The following FRYL variants were observed in gnomAD, a reference collection of about 807,000 sequenced individuals.
FRYL encodes FRY like transcription coactivator.
Under a neutral mutation model 351.2 loss-of-function variants are expected in FRYL, and 150 were observed. That is an observed-to-expected ratio of 0.43 (90% CI 0.37 to 0.49). The LOEUF is 0.49. Ranked by LOEUF, FRYL falls within the 20% of genes least tolerant of loss-of-function variation. The probability of loss-of-function intolerance (pLI) is 0.00; values close to 1 mark genes in which losing one functional copy is unlikely to be tolerated. For missense variants in FRYL, 3,036 were observed against 3,619.3 expected, an observed-to-expected ratio of 0.84 and a Z score of 4.13; for synonymous variants, 1,153 against 1,257.1, an observed-to-expected ratio of 0.92 and a Z score of 1.75.
At chr4:48,694,097 T>C (rs1414666297) in intron 2 of FRYL, among the ~76,000 whole-genome samples, 1 of 152,106 alleles carries the variant, frequency 6.6e-6, no homozygotes, top group South Asian at 2.1e-4. Flanking sequence ...GGGTAGAAAA[T>C]GCTTGACTTT....
In FRYL at chr4:48,540,840, A is replaced by G. The variant is rs1729993715; in HGVS notation, c.5808T>C (p.Asn1936=). ...NSSSYLGYNS[N]ARSNSLRLSL... The stretch of plus-strand genomic sequence containing the variant: ...TTAATCTCAAAGAGTTACTTCTTGC[A>G]TTACTGTTATATCCCAAATAACTGC... The change falls in exon 46 of 64, where the codon AAT becomes AAC. Residue 1936 remains asparagine (N), a synonymous_variant. Transcript: ENST00000358350. The G allele has an allele frequency of 1.2e-6, 2 of 1,613,910 alleles. No homozygotes were observed. Among genetic ancestry groups the G allele is most frequent in the Non-Finnish European group, 1.7e-6 (2 of 1,179,958 alleles).
chr4:48,515,870 C>T (rs1723482219), intron 55 of FRYL, among the ~76,000 whole-genome samples: 1 of 152,116 alleles, frequency 6.6e-6, no homozygotes, highest in Non-Finnish European at 1.5e-5. Flanking sequence ...TAACTCTACA[C>T]AAGTAAAACT....
Position 48,562,996 on chromosome 4 carries a change from T to C in FRYL, c.3597-8A>G, listed in dbSNP as rs1452082670. 1 of 1,494,588 alleles carries C rather than the reference T, an allele frequency of 6.7e-7. No individual in the cohort carries two copies. Among genetic ancestry groups the C allele is most frequent in the African/African-American group, 1.4e-5 (1 of 72,108 alleles). The allele number at this position is 1,494,588 out of a possible 1,614,324, so 92.6% of individuals were successfully genotyped here. On this transcript the variant is annotated splice_polypyrimidine_tract_variant and splice_region_variant and intron_variant, in intron 31 of 63. Transcript: ENST00000358350. ...GTGTCACATTGATAATCCCTAGGAA[T>C]AAATTTTACATATTAAGTAAATAAC...
rs1462883242 is a variant in FRYL, at chr4:48,498,036, T to C, written c.*1386A>G. The C allele has an allele frequency of 6.6e-6, 1 of 152,228 alleles. No homozygotes were observed. Among genetic ancestry groups the C allele is most frequent in the Middle Eastern group, 3.2e-3 (1 of 316 alleles). 9.4% of individuals were successfully genotyped at this position (152,228 alleles called of 1,614,324 possible). ...AGAGATGTATATAAAAAATACAAGG[T>C]GTTTCTTTCAAATCAGGAGTTGTGG... On this transcript the variant is annotated 3_prime_UTR_variant, in exon 64 of 64. Coordinates refer to ENST00000358350, the MANE Select transcript of FRYL (RefSeq NM_015030.2).
In FRYL at chr4:48,557,075, G is replaced by A. The variant is rs763832672; in HGVS notation, c.4169C>T (p.Thr1390Ile). ...TTTGGGCCAGCCATCTGCAAGTGTG[G>A]TCCACACATTCTCCACCTCCGACCA... ...LAWSEVENVW[T>I]TLADGWPKNL... The change falls in exon 35 of 64, where the codon ACC becomes ATC. Residue 1390 changes from threonine to isoleucine, a missense_variant. By Grantham distance (89) the Thr-to-Ile change is moderately conservative. Transcript: ENST00000358350. 3 of 1,605,780 alleles carry A rather than the reference G, an allele frequency of 1.9e-6. No homozygotes were observed. Among genetic ancestry groups the A allele is most frequent in the African/African-American group, 1.4e-5 (1 of 73,332 alleles).
In FRYL at chr4:48,680,870, T is replaced by C. The variant is rs561509665; in HGVS notation, c.-81+3803A>G. ...TCACTAGAATTCATACTTGTAAAAA[T>C]AGTTTTACTTTCCTAAAATACTTTT... On this transcript the variant is annotated intron_variant, in intron 3 of 63. Transcript: ENST00000358350. The C allele has an allele frequency of 5.1e-5, 30 of 590,970 alleles. No individual in the cohort carries two copies. The African/African-American group carries it at 5.6e-4, about 11-fold the overall frequency. The allele number at this position is 590,970 out of a possible 1,614,324, so 36.6% of individuals were successfully genotyped here.
At chr4:48,592,101 T>TATATATATATATATAC (rs1158547540) in intron 16 of FRYL, among the ~76,000 whole-genome samples, 1 of 45,042 alleles carries the variant, frequency 2.2e-5, no homozygotes, top group Non-Finnish European at 6.1e-5. Flanking sequence ...TATATATATA[T>TATATATATATATATAC]ATATATATAT....
At chr4:48,711,827 C>G (rs1768087331) in intron 1 of FRYL, among the ~76,000 whole-genome samples, 3 of 152,188 alleles carry the variant, frequency 2.0e-5, no homozygotes, top group Admixed American at 2.0e-4. Context: ...CCAGTAGGGG[C>G]AGACTGACAC....
intron 49 of FRYL, among the ~76,000 whole-genome samples, chr4:48,531,602 CA>C (rs1560547895): frequency 6.6e-6 from 1 of 152,100 alleles, no homozygotes; most frequent in African/African-American, 2.4e-5. Flanking sequence ...GCTTTTCTCC[CA>C]ATAAGTGCTT....
intron 3 of FRYL, among the ~76,000 whole-genome samples, chr4:48,645,369 T>C (rs779589720): frequency 2.0e-5 from 3 of 151,940 alleles, no homozygotes; most frequent in Non-Finnish European, 4.4e-5. Context: ...CTTCTGATAA[T>C]AATTCAGCTT....
At chr4:48,591,562 C>T (rs1008329009) in intron 16 of FRYL, among the ~76,000 whole-genome samples, 2 of 152,152 alleles carry the variant, frequency 1.3e-5, no homozygotes, top group African/African-American at 4.8e-5. Context: ...CCTTTCCCTC[C>T]TGAAACACTC....
intron 3 of FRYL, among the ~76,000 whole-genome samples, chr4:48,646,264 T>G (rs1756453830): frequency 6.6e-6 from 1 of 152,262 alleles, no homozygotes; most frequent in African/African-American, 2.4e-5. Context: ...CAAGATTTTC[T>G]ATGACATTTA....
rs1177899831 is a variant in FRYL at position 48,578,966 on chromosome 4, A to T, written c.2528+7T>A. 6.4e-7 allele frequency: 1 copy of T among 1,569,780 alleles called. No homozygotes were observed. ...ATTTTTAAATTTACACTAGGAAAAT[A>T]ACTTACTTTATATCGACCTGAGGGG... On this transcript the variant is annotated splice_region_variant and intron_variant, in intron 23 of 63. Transcript: ENST00000358350.
At chr4:48,675,583 C>G (rs1485997657) in intron 3 of FRYL, among the ~76,000 whole-genome samples, 1 of 152,258 alleles carries the variant, frequency 6.6e-6, no homozygotes, top group Admixed American at 6.5e-5. Context: ...TCCCGCGGGG[C>G]AGGGCTGGGG....
chr4:48,737,276 A>AAG (rs1265312534), intron 1 of FRYL, among the ~76,000 whole-genome samples: 2 of 151,666 alleles, frequency 1.3e-5, no homozygotes, highest in Non-Finnish European at 1.5e-5. Flanking sequence ...AAAAAAAAAA[A>AAG]AGAGAGAGAA....
chr4:48,755,384 CAG>C (rs1773669822), intron 1 of FRYL, among the ~76,000 whole-genome samples: 1 of 152,166 alleles, frequency 6.6e-6, no homozygotes. Context: ...AAAAAATAGA[CAG>C]TGAATTTCCA....
At chr4:48,771,686 A>G (rs1162483392) in intron 1 of FRYL, among the ~76,000 whole-genome samples, 1 of 152,160 alleles carries the variant, frequency 6.6e-6, no homozygotes, top group Non-Finnish European at 1.5e-5. Context: ...ACCAGAAAAA[A>G]AGCACGAGTC....
chr4:48,772,620 T>G (rs1311247340), intron 1 of FRYL, among the ~76,000 whole-genome samples: 1 of 147,292 alleles, frequency 6.8e-6, no homozygotes, highest in Non-Finnish European at 1.5e-5. Context: ...TCCAGCATTC[T>G]TTACTATTGA....
intron 3 of FRYL, among the ~76,000 whole-genome samples, chr4:48,656,320 A>AATATATACTAAATATATTATATT (rs1759012875): frequency 7.8e-6 from 1 of 127,788 alleles, no homozygotes; most frequent in Non-Finnish European, 1.6e-5. Flanking sequence ...TATATTACAT[A>AATATATACTAAATATATTATATT]ATATATACTA....
Sources: gnomAD v4.1 joint callset for allele counts (sites outside exome capture counted in the v4.1 genomes callset) on GRCh38, gnomAD v4.1.1 for gene constraint, MANE v1.5 for transcripts, NCBI Gene and HGNC (gene_info 2026-07-23, HGNC 2026-07-21) for gene names.